Variants in PDZD4 observed in about 807,000 individuals in gnomAD.
The protein encoded by PDZD4 is PDZ domain containing 4.
In PDZD4, 9 loss-of-function variants were observed where a neutral mutation model predicts 38.5. That is an observed-to-expected ratio of 0.23 (90% CI 0.14 to 0.41). The LOEUF (loss-of-function observed/expected upper bound fraction) is 0.41, where lower values mean the gene tolerates loss of function less well. PDZD4 is among the 10% of genes least tolerant of loss of function. The pLI is 1.00. For synonymous variants in PDZD4, 349 were observed against 315.7 expected (o/e 1.11, Z -1.12); for missense variants, 612 against 722.0 (o/e 0.85, Z 1.75).
At chrX:153,808,768 G>A (rs2044442262) in intron 1 of PDZD4, among the ~76,000 whole-genome samples, 173 bp from the exon 2 acceptor site, 1 of 113,077 alleles carries the variant, frequency 8.8e-6, no homozygotes, top group South Asian at 3.6e-4. Flanking sequence ...CTGTTCCCAG[G>A]CAAGCCCCAC....
At chrX:153,805,305 G>T in intron 6 of PDZD4, 98 bp from the exon 7 acceptor site, 1 of 856,230 alleles carries the variant, frequency 1.2e-6, no homozygotes, top group Non-Finnish European at 1.7e-6. Flanking sequence ...TTTCGGTGAA[G>T]CTCAGCAACC....
chrX:153,824,396 T>A (rs183501873), intron 1 of PDZD4, among the ~76,000 whole-genome samples: 1 of 111,737 alleles, frequency 8.9e-6, no homozygotes, highest in East Asian at 2.8e-4. Context: ...GCAGAACCAC[T>A]GAGTTGACTG....
chrX:153,819,411 G>C, intron 1 of PDZD4, among the ~76,000 whole-genome samples: 1 of 112,835 alleles, frequency 8.9e-6, no homozygotes, highest in Non-Finnish European at 1.9e-5. Flanking sequence ...CCAAGTGCTT[G>C]TCACACGGCG....
intron 4 of PDZD4, among the ~76,000 whole-genome samples, chrX:153,806,541 G>A (rs906292914): frequency 3.5e-5 from 4 of 112,725 alleles, no homozygotes; most frequent in African/African-American, 6.4e-5. Context: ...CCCATCTGCT[G>A]TCCCACCCAG....
At chrX:153,814,524 T>G in intron 1 of PDZD4, among the ~76,000 whole-genome samples, 1 of 86,569 alleles carries the variant, frequency 1.2e-5, no homozygotes, top group Non-Finnish European at 2.1e-5. Flanking sequence ...TGCAAACTTC[T>G]CTCCTTTGGA....
intron 1 of PDZD4, among the ~76,000 whole-genome samples, chrX:153,822,186 CAAAAA>C (rs57857575): frequency 2.1e-5 from 1 of 47,400 alleles, no homozygotes; most frequent in Non-Finnish European, 3.8e-5. Context: ...GACTCTGTCT[CAAAAA>C]AAAAAAAAAA....
intron 1 of PDZD4, among the ~76,000 whole-genome samples, chrX:153,825,304 C>T (rs1003132992): frequency 2.7e-5 from 3 of 112,245 alleles, no homozygotes; most frequent in Non-Finnish European, 5.6e-5. Flanking sequence ...TGACCATCTC[C>T]GGCGTGCTCG....
intron 1 of PDZD4, among the ~76,000 whole-genome samples, chrX:153,814,147 G>C (rs1171378449): frequency 1.8e-5 from 2 of 110,666 alleles, no homozygotes; most frequent in East Asian, 5.8e-4. Flanking sequence ...GCATGACCCA[G>C]CCCCTGAGTC....
At chrX:153,829,258 C>G (rs1269458064) in intron 1 of PDZD4, among the ~76,000 whole-genome samples, 1 of 106,825 alleles carries the variant, frequency 9.4e-6, no homozygotes, top group Non-Finnish European at 1.9e-5. Flanking sequence ...CGGGTTCCCC[C>G]ACGTTCTCCC....
intron 6 of PDZD4, 80 bp downstream of exon 6, chrX:153,805,425 G>T: frequency 1.6e-6 from 1 of 643,939 alleles, no homozygotes; most frequent in Non-Finnish European, 2.4e-6. Flanking sequence ...TGGCACATCT[G>T]TGCCCTAGTC....
intron 1 of PDZD4, among the ~76,000 whole-genome samples, chrX:153,810,860 T>C (rs1403518749): frequency 8.9e-6 from 1 of 112,967 alleles, no homozygotes; most frequent in Non-Finnish European, 1.9e-5. Flanking sequence ...TAGATAATCA[T>C]TGAAGTTTTC....
Position 153,804,652 on chromosome X carries a change from C to CATT in PDZD4, c.1028_1029insAAT (p.Glu343_Gly344insMet). The stretch of plus-strand genomic sequence containing the variant: ...CGTCGCCCCCTCCCAGCCCCGCCCC[C>CATT]TCGGCCAGCAGAGAGTCCATGCTGA... On this transcript the variant is annotated inframe_insertion, in exon 8 of 8. Coordinates refer to ENST00000393758, the MANE Select transcript of PDZD4 (RefSeq NM_001303512.2). 2 of 1,210,320 alleles carry CATT rather than the reference C, an allele frequency of 1.7e-6. No homozygotes were observed. The highest frequency in any genetic ancestry group is 2.2e-6 in the Non-Finnish European group (2 of 895,337).
At position 153,803,223 on chromosome X, in the gene PDZD4, AGG is replaced by A. The variant is rs2148454994; in HGVS notation, c.*128_*129del. 1.6e-5 allele frequency: 2 copies of A among 128,548 alleles called. No individual in the cohort carries two copies. Among genetic ancestry groups the A allele is most frequent in the Admixed American group, 1.1e-4 (1 of 8,934 alleles). 10.6% of individuals were successfully genotyped at this position (128,548 alleles called of 1,213,427 possible). The stretch of plus-strand genomic sequence containing the variant: ...AAAGCCCTGTGCGCACACCCAGACG[AGG>A]AGATGTGTGCGTGCGCACAGCGAGC... On this transcript the variant is annotated 3_prime_UTR_variant, in exon 8 of 8. Transcript: ENST00000393758.
chrX:153,806,711 C>T, intron 4 of PDZD4, 31 bp downstream of exon 4: 1 of 1,183,833 alleles, frequency 8.4e-7, no homozygotes, highest in Non-Finnish European at 1.1e-6. Flanking sequence ...TGTGGATGGG[C>T]CTCGGGGCTG....
intron 1 of PDZD4, among the ~76,000 whole-genome samples, chrX:153,822,129 A>G (rs1366195588): frequency 9.6e-6 from 1 of 104,637 alleles, no homozygotes; most frequent in Non-Finnish European, 2.0e-5. Context: ...GGAGGCTGCA[A>G]TGAGCCGAGA....
At position 153,830,500 on chromosome X, in the gene PDZD4, C is replaced by T; in HGVS notation, c.-202G>A. The T allele has an allele frequency of 2.9e-6, 1 of 343,953 alleles. No individual in the cohort carries two copies. The highest frequency in any genetic ancestry group is 5.2e-5 in the East Asian group (1 of 19,146). The allele number at this position is 343,953 out of a possible 1,213,427, so 28.3% of individuals were successfully genotyped here. Reference sequence around the variant, plus strand: ...AGGTTAACTCTTCGCTGGCCGAGGCCAGGCGCGGGCATGCTCCCTCGCACC... The same window carrying T: ...AGGTTAACTCTTCGCTGGCCGAGGCTAGGCGCGGGCATGCTCCCTCGCACC... On this transcript the variant is annotated 5_prime_UTR_variant, in exon 1 of 8. Transcript: ENST00000393758.
rs1158677627 is a variant in PDZD4, at chrX:153,804,029, C to T, written c.1652G>A (p.Arg551His). 2.2e-5 allele frequency: 26 copies of T among 1,157,052 alleles called. No homozygotes were observed. Among genetic ancestry groups the T allele is most frequent in the African/African-American group, 1.6e-4 (9 of 56,197 alleles). The change falls in exon 8 of 8, where the codon CGC becomes CAC. Residue 551 changes from arginine (R) to histidine (H), a missense_variant. By Grantham distance (29) the Arg-to-His change is conservative. Around this residue, in one of 3 missense-constraint regions of PDZD4, gnomAD observed 300 missense variants for 284.6 expected, o/e 1.05. Coordinates refer to ENST00000393758, the MANE Select transcript of PDZD4 (RefSeq NM_001303512.2). ...CCCCGTCTTGGGGTTGCGGCGGCCG[C>T]GCTCCTCCGCGTGCTGCCTCCGGCC... is the stretch of plus-strand genomic sequence containing the variant. ...EAGRRQHAEE[R>H]GRRNPKTGLT... is the part of the protein sequence containing the mutation.
chrX:153,829,358 C>T (rs781945221), intron 1 of PDZD4, among the ~76,000 whole-genome samples: 3 of 111,376 alleles, frequency 2.7e-5, no homozygotes, highest in African/African-American at 9.8e-5. Flanking sequence ...AAACGCATAC[C>T]TGTCTGAGCC....
chrX:153,808,060 G>T, intron 2 of PDZD4: 1 of 1,059,255 alleles, frequency 9.4e-7, no homozygotes, highest in South Asian at 2.3e-5. Flanking sequence ...GAGGAGAGAG[G>T]ATGGAGGAGG....
Sources: allele counts gnomAD v4.1 joint callset (sites outside exome capture counted in the v4.1 genomes callset), GRCh38; gene constraint gnomAD v4.1.1; regional missense constraint gnomAD v4.1.1; transcripts MANE v1.5; gene names NCBI Gene and HGNC (gene_info 2026-07-23, HGNC 2026-07-21).